Variants in SIK3 observed in about 807,000 individuals in gnomAD.
SIK3 encodes the protein SIK family kinase 3.
In SIK3, 28 loss-of-function variants were observed where a neutral mutation model predicts 144.2. That is an observed-to-expected ratio of 0.19 (90% CI 0.14 to 0.27). The LOEUF (loss-of-function observed/expected upper bound fraction) is 0.27, where lower values mean the gene tolerates loss of function less well. SIK3 is among the 10% of genes least tolerant of loss of function. The probability of loss-of-function intolerance (pLI) is 1.00; values close to 1 mark genes in which losing one functional copy is unlikely to be tolerated. For synonymous variants in SIK3, 686 were observed against 676.3 expected (o/e 1.01, Z -0.22); for missense variants, 1,319 against 1,776.0 (o/e 0.74, Z 4.62).
intron 1 of SIK3, among the ~76,000 whole-genome samples, chr11:116,991,831 T>G (rs1157983505): frequency 6.6e-6 from 1 of 152,080 alleles, no homozygotes; most frequent in African/African-American, 2.4e-5. Flanking sequence ...TATGGCAAAT[T>G]TTTTCAATGC....
intron 11 of SIK3, 135 bp from the exon 12 acceptor site, chr11:116,874,191 G>A: frequency 1.1e-6 from 1 of 951,704 alleles, no homozygotes; most frequent in African/African-American, 1.7e-5. Context: ...TTCTCTTTAA[G>A]ATCCTAAAGC....
intron 1 of SIK3, among the ~76,000 whole-genome samples, chr11:117,055,783 G>A (rs577933653): frequency 2.1e-4 from 32 of 152,288 alleles, no homozygotes; most frequent in Non-Finnish European, 4.3e-4. Flanking sequence ...GGGTTCCTCC[G>A]TTCATGAATG....
chr11:116,887,383 G>A (rs556117121), intron 6 of SIK3, among the ~76,000 whole-genome samples: 2 of 151,924 alleles, frequency 1.3e-5, no homozygotes, highest in Non-Finnish European at 2.9e-5. Context: ...TTGGGAAGCC[G>A]AGGCGGGCAG....
In SIK3 at chr11:116,858,815, G is replaced by A; in HGVS notation, c.2766-116C>T. On this transcript the variant is annotated intron_variant, in intron 20 of 24. Coordinates refer to ENST00000445177, the MANE Select transcript of SIK3 (RefSeq NM_001366686.3). The surrounding 1 kb of genome is among the most constrained non-coding windows in gnomAD (Gnocchi z 5.4). ...TGGTACAGAGAACTGTGGTGTGACAGAGAAGTGGCAGATGTATGCATTGTC... is the reference window on the plus strand; with the variant it reads ...TGGTACAGAGAACTGTGGTGTGACAAAGAAGTGGCAGATGTATGCATTGTC... 3 of 1,432,766 alleles carry A rather than the reference G, an allele frequency of 2.1e-6. No individual in the cohort carries two copies. Among genetic ancestry groups the A allele is most frequent in the Admixed American group, 5.2e-5 (2 of 38,100 alleles). 88.8% of individuals were successfully genotyped at this position (1,432,766 alleles called of 1,614,324 possible).
At chr11:117,045,495 TGA>T (rs932218844) in intron 1 of SIK3, among the ~76,000 whole-genome samples, 3 of 152,226 alleles carry the variant, frequency 2.0e-5, no homozygotes, top group Non-Finnish European at 4.4e-5. Context: ...GACCAAAGCC[TGA>T]GCTGTCTGTA....
In SIK3 at chr11:116,876,394, C is replaced by A. The variant is rs762801949; in HGVS notation, c.985-31G>T. ...ACATAAAAAGGAGGAAGCTGTCAAC[C>A]CCCCAATTAACCACATCAAATGTGG... On this transcript the variant is annotated intron_variant, in intron 7 of 24. Transcript: ENST00000445177. 2.0e-6 allele frequency: 3 copies of A among 1,535,972 alleles called. No individual in the cohort carries two copies. In the Admixed American group the frequency reaches 5.0e-5, roughly 26 times the overall value.
chr11:116,965,017 G>C (rs1949476995), intron 1 of SIK3, among the ~76,000 whole-genome samples: 1 of 152,170 alleles, frequency 6.6e-6, no homozygotes, highest in Non-Finnish European at 1.5e-5. Context: ...CATTTCCAAT[G>C]TCTGGATAGA....
chr11:117,009,000 C>T (rs1264798087), intron 1 of SIK3, among the ~76,000 whole-genome samples: 11 of 151,938 alleles, frequency 7.2e-5, no homozygotes, highest in Non-Finnish European at 5.9e-5. Context: ...TTTGGGAGGC[C>T]GAGGCAGGTG....
chr11:117,005,445 A>G (rs1951013192), intron 1 of SIK3, among the ~76,000 whole-genome samples: 1 of 152,068 alleles, frequency 6.6e-6, no homozygotes, highest in Non-Finnish European at 1.5e-5. Context: ...ACAGGACTAT[A>G]AAGATCCCTG....
At chr11:116,967,260 C>T (rs768118573) in intron 1 of SIK3, among the ~76,000 whole-genome samples, 3 of 152,162 alleles carry the variant, frequency 2.0e-5, no homozygotes, top group Non-Finnish European at 4.4e-5. Flanking sequence ...GTCAAGAAGC[C>T]TGTGTACTGT....
chr11:116,862,028 A>G, intron 17 of SIK3, 102 bp from the exon 18 acceptor site: 1 of 1,238,310 alleles, frequency 8.1e-7, no homozygotes, highest in South Asian at 1.3e-5. Context: ...TCTGTGTCTC[A>G]GATTTATGCT....
chr11:116,872,173 T>C (rs1257041370), intron 13 of SIK3, among the ~76,000 whole-genome samples: 1 of 152,078 alleles, frequency 6.6e-6, no homozygotes, highest in Non-Finnish European at 1.5e-5. Context: ...ACAGAAAATA[T>C]TTCAAGGAAA....
chr11:117,070,786 C>T (rs1346501973), intron 1 of SIK3, among the ~76,000 whole-genome samples: 2 of 136,290 alleles, frequency 1.5e-5, no homozygotes, highest in Non-Finnish European at 3.1e-5. Flanking sequence ...AAGTTTCACT[C>T]GTGTTGCCCA....
intron 4 of SIK3, among the ~76,000 whole-genome samples, chr11:116,919,242 T>G (rs1946831636): frequency 6.6e-6 from 1 of 152,230 alleles, no homozygotes; most frequent in African/African-American, 2.4e-5. Context: ...GGTATCTCAG[T>G]ATATTCATAC....
chr11:117,058,147 C>G (rs944133559), intron 1 of SIK3, among the ~76,000 whole-genome samples: 19 of 152,176 alleles, frequency 1.2e-4, no homozygotes, highest in African/African-American at 4.6e-4. Context: ...TGTGAAGGAT[C>G]TGAAAAAGGG....
chr11:117,021,268 T>C (rs1424425087), intron 1 of SIK3, among the ~76,000 whole-genome samples: 1 of 152,106 alleles, frequency 6.6e-6, no homozygotes, highest in Non-Finnish European at 1.5e-5. Flanking sequence ...AAAATAAACA[T>C]TAAACCTTCA....
At chr11:116,876,683 A>G (rs951595701) in intron 7 of SIK3, among the ~76,000 whole-genome samples, 1 of 152,238 alleles carries the variant, frequency 6.6e-6, no homozygotes, top group Non-Finnish European at 1.5e-5. Flanking sequence ...AGGCTGTGCT[A>G]TCTCAAAAGC....
At chr11:116,977,470 T>TA (rs540603784) in intron 1 of SIK3, among the ~76,000 whole-genome samples, 23 of 152,058 alleles carry the variant, frequency 1.5e-4, no homozygotes, top group African/African-American at 3.1e-4. Flanking sequence ...GCTTTTTAGT[T>TA]AAAAAAAGAC....
At chr11:117,064,823 G>A (rs1432495983) in intron 1 of SIK3, among the ~76,000 whole-genome samples, 1 of 151,980 alleles carries the variant, frequency 6.6e-6, no homozygotes, top group Non-Finnish European at 1.5e-5. Context: ...TAAAATTCTC[G>A]TGTTAGATAA....
Sources: allele counts gnomAD v4.1 joint callset (sites outside exome capture counted in the v4.1 genomes callset), GRCh38; gene constraint gnomAD v4.1.1; non-coding constraint Gnocchi (gnomAD v3.1); transcripts MANE v1.5; gene names NCBI Gene and HGNC (gene_info 2026-07-23, HGNC 2026-07-21).